Variants in MTSS1 observed in about 807,000 individuals in gnomAD.
The protein encoded by MTSS1 is MTSS I-BAR domain containing 1, also known as protein MTSS 1.
In MTSS1, 18 loss-of-function variants were observed where a neutral mutation model predicts 79.0. The observed-to-expected ratio is 0.23, with a 90% CI of 0.16 to 0.34. MTSS1 has a LOEUF of 0.34. MTSS1 is among the 10% of genes least tolerant of loss of function. The pLI is 1.00. For missense variants in MTSS1, 815 were observed against 986.2 expected (o/e 0.83, Z 2.33); for synonymous variants, 341 against 368.6 (o/e 0.93, Z 0.86).
chr8:124,720,511 T>C (rs1250800786), intron 1 of MTSS1, among the ~76,000 whole-genome samples: 1 of 152,206 alleles, frequency 6.6e-6, no homozygotes, highest in African/African-American at 2.4e-5. Context: ...GTATCTGACT[T>C]ACAAATGTCC....
In MTSS1 at chr8:124,597,670, G is replaced by A. The variant is rs959216091; in HGVS notation, c.209-6435C>T. 2.0e-5 allele frequency among the ~76,000 whole-genome samples: 3 copies of A among 152,190 alleles called. No homozygotes were observed. The highest frequency in any genetic ancestry group is 6.5e-5 in the Admixed American group (1 of 15,286). ...GCTACAGTGTGGGCAGGTGGCGAGC[G>A]AGGACTGAAAAGACGTTTTGTCAGG... On this transcript the variant is annotated intron_variant, in intron 3 of 13. Coordinates refer to ENST00000518547, the MANE Select transcript of MTSS1 (RefSeq NM_014751.6). This position sits in a 1 kb window ranked among gnomAD's most constrained non-coding sequence, Gnocchi z 4.6.
chr8:124,702,892 G>A (rs1829898704), intron 2 of MTSS1, among the ~76,000 whole-genome samples: 1 of 152,120 alleles, frequency 6.6e-6, no homozygotes. Context: ...GATTTAAAAG[G>A]GTAGAGCTTT....
chr8:124,725,287 C>T (rs1232708819), intron 1 of MTSS1, among the ~76,000 whole-genome samples: 2 of 152,212 alleles, frequency 1.3e-5, no homozygotes, highest in African/African-American at 4.8e-5. Context: ...TCCTCTCTCT[C>T]TTGCTTTTCC....
In MTSS1 at chr8:124,727,847, G is replaced by C. The variant is rs1157051687; in HGVS notation, c.72+37C>G. On this transcript the variant is annotated intron_variant, in intron 1 of 13. Transcript: ENST00000518547. The surrounding 1 kb of genome is among the most constrained non-coding windows in gnomAD (Gnocchi z 4.7). ...AAGCGCGGCGGCGAGGTCAGAGCGC[G>C]GCGGCCGGCGCCGCAGCCGCACCCC... is the stretch of plus-strand genomic sequence containing the variant. 7 of 1,543,738 alleles carry C rather than the reference G, an allele frequency of 4.5e-6. No homozygotes were observed. The Middle Eastern group carries it at 7.0e-4, about 154-fold the overall frequency.
chr8:124,697,462 A>G (rs2135371495), intron 3 of MTSS1, among the ~76,000 whole-genome samples: 1 of 152,214 alleles, frequency 6.6e-6, no homozygotes, highest in Middle Eastern at 3.4e-3. Flanking sequence ...CGGGAGGCTG[A>G]GGCAGGAGAA....
intron 3 of MTSS1, among the ~76,000 whole-genome samples, chr8:124,624,383 G>A (rs1814240141): frequency 6.6e-6 from 1 of 152,186 alleles, no homozygotes; most frequent in Non-Finnish European, 1.5e-5. Flanking sequence ...GAGAAACTGG[G>A]AGGCATGGAC....
chr8:124,660,050 C>T (rs1821707539), intron 3 of MTSS1, among the ~76,000 whole-genome samples: 1 of 152,058 alleles, frequency 6.6e-6, no homozygotes. Flanking sequence ...TGAAAAGTAC[C>T]ACCCCCCAGA....
intron 6 of MTSS1, among the ~76,000 whole-genome samples, chr8:124,583,925 T>C (rs1225021839): frequency 6.6e-6 from 1 of 152,224 alleles, no homozygotes; most frequent in African/African-American, 2.4e-5. Context: ...CCTGGTTAGA[T>C]AGGATACAAA....
chr8:124,704,522 T>A (rs1830139343), intron 1 of MTSS1, among the ~76,000 whole-genome samples: 1 of 152,180 alleles, frequency 6.6e-6, no homozygotes, highest in Non-Finnish European at 1.5e-5. Context: ...CACTTGTTCA[T>A]GAAACATGGC....
chr8:124,620,541 G>A (rs1341776355), intron 3 of MTSS1, among the ~76,000 whole-genome samples: 1 of 152,162 alleles, frequency 6.6e-6, no homozygotes, highest in African/African-American at 2.4e-5. Context: ...CATAAACCCT[G>A]TGTCAGCCAC....
At chr8:124,624,160 G>A (rs563350404) in intron 3 of MTSS1, among the ~76,000 whole-genome samples, 13 of 152,322 alleles carry the variant, frequency 8.5e-5, no homozygotes, top group African/African-American at 2.6e-4. Context: ...GTCACTGTGC[G>A]AAGACTCATA....
intron 3 of MTSS1, chr8:124,699,307 A>C: frequency 1.8e-6 from 1 of 542,974 alleles, no homozygotes; most frequent in Non-Finnish European, 3.3e-6. Flanking sequence ...ACAGTGGTTC[A>C]TTTTCTTCCT....
chr8:124,575,553 G>A (rs966643802), intron 6 of MTSS1, among the ~76,000 whole-genome samples: 5 of 140,448 alleles, frequency 3.6e-5, no homozygotes, highest in Non-Finnish European at 7.9e-5. Flanking sequence ...GCAGGTGATA[G>A]TATGCAGGGT....
intron 9 of MTSS1, chr8:124,564,683 T>A (rs1406177331): frequency 7.3e-4 from 41 of 56,454 alleles, no homozygotes; most frequent in Non-Finnish European, 4.8e-4. Context: ...AAAAGGTCTC[T>A]CTTTCACTCA....
intron 6 of MTSS1, among the ~76,000 whole-genome samples, chr8:124,572,221 G>C (rs1827937992): frequency 6.6e-6 from 1 of 151,986 alleles, no homozygotes; most frequent in African/African-American, 2.4e-5. Context: ...TATAATTAAA[G>C]GACTCTCAAA....
intron 3 of MTSS1, among the ~76,000 whole-genome samples, chr8:124,667,979 G>A (rs142807786): frequency 5.3e-5 from 8 of 152,048 alleles, no homozygotes; most frequent in Non-Finnish European, 1.0e-4. Flanking sequence ...CAGGGGTCTG[G>A]GGGACCACTG....
chr8:124,600,263 T>C (rs1325484434), intron 3 of MTSS1, among the ~76,000 whole-genome samples: 2 of 152,224 alleles, frequency 1.3e-5, no homozygotes, highest in East Asian at 3.8e-4. Flanking sequence ...AAAAGTAACT[T>C]TTATTAATAT....
chr8:124,562,225 G>A (rs1563752452), intron 10 of MTSS1, among the ~76,000 whole-genome samples: 2 of 152,228 alleles, frequency 1.3e-5, no homozygotes, highest in African/African-American at 2.4e-5. Context: ...ATTAAACCCA[G>A]CTGTAGTTGA....
chr8:124,592,373 G>C (rs544682313), intron 3 of MTSS1, among the ~76,000 whole-genome samples: 2 of 152,234 alleles, frequency 1.3e-5, no homozygotes, highest in South Asian at 4.2e-4. Context: ...CGAAAACACT[G>C]GTGTTTGTGA....
Sources: gnomAD v4.1 joint callset for allele counts (sites outside exome capture counted in the v4.1 genomes callset) on GRCh38, gnomAD v4.1.1 for gene constraint, Gnocchi (gnomAD v3.1) non-coding constraint, MANE v1.5 for transcripts, NCBI Gene and HGNC (gene_info 2026-07-23, HGNC 2026-07-21) for gene names.